The following PXYLP1 variants were observed in gnomAD, a reference collection of about 807,000 sequenced individuals.
PXYLP1 encodes 2-phosphoxylose phosphatase 1.
PXYLP1 carries 17 observed loss-of-function variants against 37.9 expected under a neutral mutation model. The ratio of observed to expected loss-of-function variants is 0.45; its 90% CI spans 0.31 to 0.67. The LOEUF is 0.67. Ranked by LOEUF, PXYLP1 falls within the 30% of genes least tolerant of loss-of-function variation. The probability of loss-of-function intolerance (pLI) is 0.07; values close to 1 mark genes in which losing one functional copy is unlikely to be tolerated. For synonymous variants in PXYLP1, 221 were observed against 232.2 expected (o/e 0.95, Z 0.44); for missense variants, 511 against 612.0 (o/e 0.84, Z 1.74).
intron 1 of PXYLP1, among the ~76,000 whole-genome samples, chr3:141,238,733 T>C (rs1940719677): frequency 6.6e-6 from 1 of 152,146 alleles, no homozygotes; most frequent in South Asian, 2.1e-4. Context: ...GCCTTACTGA[T>C]AATGCAGTCA....
At chr3:141,256,516 G>A (rs763370695) in intron 1 of PXYLP1, among the ~76,000 whole-genome samples, 5 of 152,102 alleles carry the variant, frequency 3.3e-5, no homozygotes, top group African/African-American at 4.8e-5. Flanking sequence ...GCACGTGCAC[G>A]TATACATACA....
chr3:141,274,181 T>C (rs570664020), intron 2 of PXYLP1: 2 of 1,038,828 alleles, frequency 1.9e-6, no homozygotes, highest in Non-Finnish European at 2.3e-6. Flanking sequence ...GTCCCTCAGC[T>C]CCCTTTATCT....
chr3:141,290,189 G>A (rs890740359), intron 5 of PXYLP1, among the ~76,000 whole-genome samples: 7 of 152,246 alleles, frequency 4.6e-5, no homozygotes, highest in Admixed American at 3.3e-4. Flanking sequence ...CTGAGTGTGA[G>A]AGGGTAGCAG....
At chr3:141,233,067 A>G (rs1940570178) in intron 1 of PXYLP1, among the ~76,000 whole-genome samples, 1 of 66,028 alleles carries the variant, frequency 1.5e-5, no homozygotes, top group Non-Finnish European at 4.0e-5. Flanking sequence ...TGCGGAGCCC[A>G]CCCTTTCAAA....
intron 1 of PXYLP1, among the ~76,000 whole-genome samples, chr3:141,251,780 C>G (rs1941145586): frequency 6.6e-6 from 1 of 152,160 alleles, no homozygotes; most frequent in African/African-American, 2.4e-5. Flanking sequence ...ATATTTAAAA[C>G]CTCTTCAAAC....
chr3:141,248,577 A>ATATATATACACACG (rs1559881419), intron 1 of PXYLP1, among the ~76,000 whole-genome samples: 1 of 92,312 alleles, frequency 1.1e-5, no homozygotes, highest in Admixed American at 1.2e-4. Flanking sequence ...ATATACACAC[A>ATATATATACACACG]TGTATATATA....
At position 141,287,319 on chromosome 3, in the gene PXYLP1, C is replaced by T. The variant is rs772712276; in HGVS notation, c.371C>T (p.Pro124Leu). 2.5e-6 allele frequency: 4 copies of T among 1,613,842 alleles called. No individual in the cohort carries two copies. Among genetic ancestry groups the T allele is most frequent in the African/African-American group, 1.3e-5 (1 of 74,900 alleles). Reference sequence around the variant, plus strand: ...TCTCTCTATCATCTCTCTAGGAAACCGTATCACCCAAAACTGGAAGCTTTC... The same window carrying T: ...TCTCTCTATCATCTCTCTAGGAAACTGTATCACCCAAAACTGGAAGCTTTC... ...IDCTLVANRKPYHPKLEAFIS... is the reference protein window; with the variant it reads ...IDCTLVANRKLYHPKLEAFIS... The change falls in exon 5 of 6, where the codon CCG becomes CTG. Residue 124 changes from proline (P) to leucine (L), a missense_variant. By Grantham distance (98) the Pro-to-Leu change is moderately conservative. Transcript: ENST00000286353.
chr3:141,256,872 C>T (rs1941275859), intron 1 of PXYLP1, among the ~76,000 whole-genome samples: 1 of 151,966 alleles, frequency 6.6e-6, no homozygotes, highest in African/African-American at 2.4e-5. Flanking sequence ...GGGTGCAGAC[C>T]CCAGAGAGTA....
In PXYLP1 at chr3:141,279,482, GACTGC is replaced by G. The variant is rs1183743767; in HGVS notation, c.347_351del (p.Cys116SerfsTer4). 4.3e-6 allele frequency: 7 copies of G among 1,614,074 alleles called. No individual in the cohort carries two copies. The highest frequency in any genetic ancestry group is 4.2e-6 in the Non-Finnish European group (5 of 1,180,054). On this transcript the variant is annotated frameshift_variant, in exon 4 of 6. Transcript: ENST00000286353. LOFTEE classifies it high-confidence loss of function. ...TCCCAAAACAAAGCGACCAGAAATT[GACTGC>G]ACTCTGGTGGCTAACAGGTAAATTG... is the stretch of plus-strand genomic sequence containing the variant.
intron 2 of PXYLP1, chr3:141,274,596 G>GA: frequency 1.1e-6 from 1 of 883,796 alleles, no homozygotes; most frequent in South Asian, 1.4e-5. Flanking sequence ...CAAAAGCATG[G>GA]AGCACAGCGT....
chr3:141,288,385 A>T (rs575261734), intron 5 of PXYLP1, among the ~76,000 whole-genome samples: 25 of 152,262 alleles, frequency 1.6e-4, no homozygotes, highest in Non-Finnish European at 2.9e-4. Context: ...TGCCATTATT[A>T]TTGGGGAAAT....
chr3:141,286,063 A>G (rs1266831429), intron 4 of PXYLP1, among the ~76,000 whole-genome samples: 4 of 152,180 alleles, frequency 2.6e-5, no homozygotes, highest in Non-Finnish European at 5.9e-5. Context: ...GGGGTTTGCC[A>G]TTAGAACAGT....
At chr3:141,252,508 G>A (rs1036853860) in intron 1 of PXYLP1, among the ~76,000 whole-genome samples, 19 of 152,096 alleles carry the variant, frequency 1.2e-4, no homozygotes, top group Admixed American at 3.3e-4. Flanking sequence ...GAGGTCCCAG[G>A]CTCCTTATAA....
chr3:141,266,627 G>A (rs1941519102), intron 2 of PXYLP1, among the ~76,000 whole-genome samples: 2 of 146,396 alleles, frequency 1.4e-5, no homozygotes, highest in African/African-American at 5.2e-5. Context: ...CTCTGTGTGT[G>A]TGAGAGAGGG....
chr3:141,272,976 C>A, intron 2 of PXYLP1: 1 of 985,132 alleles, frequency 1.0e-6, no homozygotes. Context: ...TATTAACCAT[C>A]ACATCTGGTA....
chr3:141,243,103 A>C (rs539024929), intron 1 of PXYLP1, among the ~76,000 whole-genome samples: 2 of 152,104 alleles, frequency 1.3e-5, no homozygotes, highest in African/African-American at 4.8e-5. Context: ...GGGGACCCCA[A>C]CTCTACTGCC....
intron 2 of PXYLP1, among the ~76,000 whole-genome samples, chr3:141,269,247 G>A (rs1198459188): frequency 2.0e-5 from 3 of 152,232 alleles, no homozygotes; most frequent in Non-Finnish European, 4.4e-5. Context: ...GCTCCTCTTG[G>A]GGAGAGAGAA....
chr3:141,240,645 CTG>C (rs1488098244), intron 1 of PXYLP1, among the ~76,000 whole-genome samples: 1 of 152,172 alleles, frequency 6.6e-6, no homozygotes. Context: ...CTCTGCTACA[CTG>C]TCTGCCCCCT....
intron 2 of PXYLP1, among the ~76,000 whole-genome samples, chr3:141,271,613 C>A (rs1199625209): frequency 6.6e-6 from 1 of 152,162 alleles, no homozygotes; most frequent in African/African-American, 2.4e-5. Flanking sequence ...AACTCTGGGT[C>A]CCTGATACCC....
Sources: gnomAD v4.1 joint callset for allele counts (sites outside exome capture counted in the v4.1 genomes callset) on GRCh38, gnomAD v4.1.1 for gene constraint, MANE v1.5 for transcripts, NCBI Gene and HGNC (gene_info 2026-07-23, HGNC 2026-07-21) for gene names.